CIITA: variants seen among roughly 807,000 people sequenced by gnomAD.
The protein encoded by CIITA is MHC class II transactivator.
A neutral mutation model predicts 115.1 loss-of-function variants in CIITA; 72 were observed. That is an observed-to-expected ratio of 0.63 (90% CI 0.52 to 0.76). CIITA has a LOEUF of 0.76. Ranked by LOEUF, CIITA falls within the 30% of genes least tolerant of loss-of-function variation. The pLI, the probability that CIITA is intolerant of heterozygous loss-of-function variation, is 0.00. For synonymous variants in CIITA, 763 were observed against 635.6 expected (o/e 1.20, Z -3.02); for missense variants, 1,617 against 1,463.8 (o/e 1.10, Z -1.71).
chr16:10,887,006 G>A (rs1339370038), intron 1 of CIITA, among the ~76,000 whole-genome samples: 4 of 152,228 alleles, frequency 2.6e-5, no homozygotes, highest in Admixed American at 6.5e-5. Context: ...CTTACGGGGT[G>A]CTCAGTGAAT....
chr16:10,885,079 C>G (rs1165926785), intron 1 of CIITA, among the ~76,000 whole-genome samples: 1 of 152,092 alleles, frequency 6.6e-6, no homozygotes, highest in African/African-American at 2.4e-5. Flanking sequence ...AGTAGTGGGG[C>G]CTCTGGTAAC....
intron 1 of CIITA, among the ~76,000 whole-genome samples, chr16:10,882,317 G>A (rs537016139): frequency 1.4e-4 from 22 of 152,310 alleles, no homozygotes; most frequent in South Asian, 6.2e-4. Context: ...TTGGGAAACC[G>A]GATGAGAGGA....
At position 10,902,090 on chromosome 16, in the gene CIITA, C is replaced by A. The variant is rs2038813457; in HGVS notation, c.534C>A (p.Asp178Glu). 2.5e-6 allele frequency: 4 copies of A among 1,614,186 alleles called. No homozygotes were observed. The East Asian group carries it at 8.9e-5, about 36-fold the overall frequency. Reference sequence around the variant, plus strand: ...GTCTCCTAGTGGGACCAGTGAGCGACTGCTCCACCCTGCCCTGCCTGCCAC... The same window carrying A: ...GTCTCCTAGTGGGACCAGTGAGCGAATGCTCCACCCTGCCCTGCCTGCCAC... ...TGSLLVGPVSDCSTLPCLPLP... is the reference protein window; with the variant it reads ...TGSLLVGPVSECSTLPCLPLP... Residue 178 changes from aspartate to glutamate, a missense_variant, in exon 7 of 20, where the codon GAC (aspartate) becomes GAA (glutamate). Asp to Glu is a conservative substitution (Grantham distance 45). Coordinates refer to ENST00000324288, the MANE Select transcript of CIITA (RefSeq NM_000246.4).
In CIITA at chr16:10,879,606, T is replaced by A. The variant is rs966205909; in HGVS notation, c.52+2224T>A. Among the ~76,000 whole-genome samples, 6 of 151,708 alleles carry A rather than the reference T, an allele frequency of 4.0e-5. No homozygotes were observed. The highest frequency in any genetic ancestry group is 1.5e-4 in the African/African-American group (6 of 41,304). ...ATAAGTCCTCAACTCTCGTTGAACA[T>A]CTTGGCGAAGGTGTGTGTTGTTGGG... On this transcript the variant is annotated intron_variant, in intron 1 of 19. Coordinates refer to ENST00000324288, the MANE Select transcript of CIITA (RefSeq NM_000246.4). The surrounding 1 kb of genome is among the most constrained non-coding windows in gnomAD (Gnocchi z 4.3).
chr16:10,900,148 C>G (rs887039567), intron 5 of CIITA, among the ~76,000 whole-genome samples: 2 of 152,172 alleles, frequency 1.3e-5, no homozygotes, highest in Non-Finnish European at 2.9e-5. Flanking sequence ...TCTGTAGTCC[C>G]TCAGTTTTGC....
chr16:10,902,157 C>T lies in CIITA; in HGVS notation c.601C>T (p.Arg201Cys), dbSNP rs543712859. The T allele has an allele frequency of 8.1e-6, 13 of 1,614,170 alleles. No homozygotes were observed. Among genetic ancestry groups the T allele is most frequent in the East Asian group, 4.5e-5 (2 of 44,872 alleles). ...CCAGGAGCCAGCCTCCGGCCAGATG[C>T]GCCTGGAGAAAACCGACCAGATTCC... is the stretch of plus-strand genomic sequence containing the variant. ...FNQEPASGQM[R>C]LEKTDQIPMP... Residue 201 changes from arginine to cysteine, a missense_variant, in exon 7 of 20, where the codon CGC (arginine) becomes TGC (cysteine). Coordinates refer to ENST00000324288, the MANE Select transcript of CIITA (RefSeq NM_000246.4).
At chr16:10,909,273 T>A (rs1730022813) in intron 12 of CIITA, 86 bp downstream of exon 12, 25 of 1,405,702 alleles carry the variant, frequency 1.8e-5, no homozygotes, top group Admixed American at 3.5e-5. Context: ...CATGGGCATT[T>A]CCAGTGCCCC....
At chr16:10,914,927 C>T in intron 13 of CIITA, 1 of 367,194 alleles carries the variant, frequency 2.7e-6, no homozygotes, top group Admixed American at 3.3e-5. Context: ...GACCCCTTCC[C>T]CAGGCTGCGG....
chr16:10,891,954 G>T (rs2144126099), intron 1 of CIITA, among the ~76,000 whole-genome samples: 1 of 152,346 alleles, frequency 6.6e-6, no homozygotes, highest in Admixed American at 6.5e-5. Context: ...GGACTGGAAA[G>T]ATCATTCTCT....
chr16:10,875,539 T>C (rs554323601), upstream of CIITA, among the ~76,000 whole-genome samples: 1 of 152,324 alleles, frequency 6.6e-6, no homozygotes, highest in South Asian at 2.1e-4. Context: ...CAAAAATGCA[T>C]GAGGCACACA....
rs999872773 is a variant in CIITA at position 10,901,578 on chromosome 16, TGG to T, written c.481+23_481+24del. On this transcript the variant is annotated intron_variant, in intron 6 of 19. Coordinates refer to ENST00000324288, the MANE Select transcript of CIITA (RefSeq NM_000246.4). The surrounding 1 kb of genome is among the most constrained non-coding windows in gnomAD (Gnocchi z 6.8). ...AGCCAGGTGTGCAGGGCAGGTGGGC[TGG>T]GGTTGGGAAGGGTGGATGCCTTGGG... The T allele has an allele frequency of 1.2e-6, 2 of 1,613,124 alleles. No individual in the cohort carries two copies. Among genetic ancestry groups the T allele is most frequent in the African/African-American group, 2.7e-5 (2 of 74,848 alleles).
intron 1 of CIITA, among the ~76,000 whole-genome samples, chr16:10,869,534 T>G (rs2035329538): frequency 6.6e-6 from 1 of 151,826 alleles, no homozygotes; most frequent in Non-Finnish European, 1.5e-5. Flanking sequence ...TTTTTTTTTT[T>G]TGATACAGAG....
chr16:10,872,722 G>T (rs763473038), upstream of CIITA, among the ~76,000 whole-genome samples: 1 of 152,076 alleles, frequency 6.6e-6, no homozygotes, highest in Non-Finnish European at 1.5e-5. Flanking sequence ...CCTATTCACC[G>T]ATCTCTTTCT....
rs1423026141 is a variant in CIITA at position 10,927,757 on chromosome 16, G to A, written c.*3902G>A. On this transcript the variant is annotated 3_prime_UTR_variant, in exon 20 of 20. Transcript: ENST00000324288. ...GATGTGGATAAATTACTGTCTCCGT[G>A]TCACAGATCTAAGTGATACTTATAG... The A allele has an allele frequency of 1.3e-5, 2 of 152,206 alleles. No homozygotes were observed. Among genetic ancestry groups the A allele is most frequent in the Non-Finnish European group, 2.9e-5 (2 of 68,036 alleles). The allele number at this position is 152,206 out of a possible 1,614,324, so 9.4% of individuals were successfully genotyped here. A position where few individuals can be genotyped will look rare whatever the true frequency, so the allele number is the denominator to read the frequency against.
At chr16:10,916,660 G>C (rs2039969951) in intron 15 of CIITA, 1 of 607,174 alleles carries the variant, frequency 1.6e-6, no homozygotes, top group Admixed American at 2.4e-5. Context: ...CAAAGTGCTG[G>C]GATTATAGGT....
chr16:10,898,256 AATT>A lies in CIITA; in HGVS notation c.296-411_296-409del, dbSNP rs2038340385. 2.0e-5 allele frequency among the ~76,000 whole-genome samples: 3 copies of A among 152,238 alleles called. 1 individual carries two copies. In the South Asian group the frequency reaches 6.2e-4, roughly 32 times the overall value. On this transcript the variant is annotated intron_variant, in intron 3 of 19. Coordinates refer to ENST00000324288, the MANE Select transcript of CIITA (RefSeq NM_000246.4). ...TGGATGCTCTAGATGTAGAACCTCT[AATT>A]ATCACCATCGATTCCTGGGTAGTAG...
rs375731747 is a variant in CIITA at position 10,877,502 on chromosome 16, G to T, written c.52+120G>T. 7.5e-5 allele frequency: 78 copies of T among 1,043,860 alleles called. No homozygotes were observed. In the African/African-American group the frequency reaches 1.2e-3, roughly 15 times the overall value. The allele number at this position is 1,043,860 out of a possible 1,614,324, so 64.7% of individuals were successfully genotyped here. On this transcript the variant is annotated intron_variant, in intron 1 of 19. Coordinates refer to ENST00000324288, the MANE Select transcript of CIITA (RefSeq NM_000246.4). ...GGGGTGAGGATGGGAACAGGAGTCT[G>T]TGTCCTGCTGGGGCAGGCCATTGGA...
chr16:10,902,090 C>T lies in CIITA; in HGVS notation c.534C>T (p.Asp178=). 5 of 1,614,186 alleles carry T rather than the reference C, an allele frequency of 3.1e-6. No homozygotes were observed. Among genetic ancestry groups the T allele is most frequent in the Non-Finnish European group, 3.4e-6 (4 of 1,180,026 alleles). ...GTCTCCTAGTGGGACCAGTGAGCGA[C>T]TGCTCCACCCTGCCCTGCCTGCCAC... ...TGSLLVGPVS[D]CSTLPCLPLP... Residue 178 remains aspartate, a synonymous_variant, in exon 7 of 20, where the codon GAC becomes GAT. Coordinates refer to ENST00000324288, the MANE Select transcript of CIITA (RefSeq NM_000246.4).
At chr16:10,916,742 T>C in intron 15 of CIITA, 1 of 487,190 alleles carries the variant, frequency 2.1e-6, no homozygotes, top group Non-Finnish European at 3.8e-6. Context: ...CCATTCATCC[T>C]TCCATTCAAT....
Sources: allele counts gnomAD v4.1 joint callset (sites outside exome capture counted in the v4.1 genomes callset), GRCh38; gene constraint gnomAD v4.1.1; non-coding constraint Gnocchi (gnomAD v3.1); transcripts MANE v1.5; gene names NCBI Gene and HGNC (gene_info 2026-07-23, HGNC 2026-07-21).